Variants in TBC1D5 observed in about 807,000 individuals in gnomAD.
TBC1D5 encodes TBC1 domain family, member 5.
In TBC1D5, 75 loss-of-function variants were observed where a neutral mutation model predicts 100.3. That is an observed-to-expected ratio of 0.75 (90% confidence interval 0.62 to 0.91). TBC1D5 has a LOEUF of 0.91. Ranked by LOEUF, TBC1D5 falls within the 40% of genes least tolerant of loss-of-function variation. The pLI is 0.00. For synonymous variants in TBC1D5, 323 were observed against 325.6 expected, an observed-to-expected ratio of 0.99 and a Z score of 0.09; for missense variants, 910 against 942.4, an observed-to-expected ratio of 0.97 and a Z score of 0.45.
rs2063148676 is a variant in TBC1D5, at chr3:17,627,441, ATAC to A, written c.-100-3531_-100-3529del. ...GAACAAAGAGCAGAGACTGAAAATT[ATAC>A]TACACTAACAAAATCTATAAATACA... On this transcript the variant is annotated intron_variant, in intron 1 of 21. Coordinates refer to ENST00000253692, the Ensembl canonical transcript of TBC1D5. Among the ~76,000 whole-genome samples, 5 of 152,334 alleles carry A rather than the reference ATAC, an allele frequency of 3.3e-5. No homozygotes were observed. In the South Asian group the frequency reaches 1.0e-3, roughly 32 times the overall value.
intron 13 of TBC1D5, among the ~76,000 whole-genome samples, chr3:17,354,979 A>G (rs2091069011): frequency 6.6e-6 from 1 of 152,132 alleles, no homozygotes; most frequent in Admixed American, 6.6e-5. Flanking sequence ...ATGGGATCAC[A>G]TGACCTAAAA....
rs544992986 is a variant in TBC1D5, at chr3:17,319,267, C to T, written c.996-11133G>A. Among the ~76,000 whole-genome samples, 3 of 152,342 alleles carry T rather than the reference C, an allele frequency of 2.0e-5. No individual in the cohort carries two copies. In the East Asian group the frequency reaches 5.8e-4, roughly 29 times the overall value. ...TCCTTTCCACATCAGCTACCAGTTA[C>T]TGTGGCTGAGTTCTAGTGCTGAGAT... On this transcript the variant is annotated intron_variant, in intron 13 of 21. Coordinates refer to ENST00000253692, the Ensembl canonical transcript of TBC1D5.
At chr3:17,717,574 C>G (rs560362827) in intron 1 of TBC1D5, among the ~76,000 whole-genome samples, 1 of 152,198 alleles carries the variant, frequency 6.6e-6, no homozygotes, top group Non-Finnish European at 1.5e-5. Flanking sequence ...TCATCATATA[C>G]TGATAGAACA....
chr3:17,335,579 T>C (rs566760698), intron 13 of TBC1D5, among the ~76,000 whole-genome samples: 2 of 152,286 alleles, frequency 1.3e-5, no homozygotes, highest in East Asian at 3.9e-4. Flanking sequence ...AAAGTATCAT[T>C]AATACCGACT....
At chr3:17,704,688 C>T (rs1577645836) in intron 1 of TBC1D5, among the ~76,000 whole-genome samples, 1 of 62,680 alleles carries the variant, frequency 1.6e-5, no homozygotes, top group African/African-American at 5.3e-5. Flanking sequence ...GGCGGCTGGC[C>T]GGGCGGGGGG....
chr3:17,508,700 A>T, intron 2 of TBC1D5, 95 bp from the exon 3 acceptor site: 1 of 562,880 alleles, frequency 1.8e-6, no homozygotes, highest in East Asian at 3.1e-5. Context: ...TGAGCATTAC[A>T]GACATTAACA....
chr3:17,304,250 T>C (rs1017857896), intron 14 of TBC1D5, among the ~76,000 whole-genome samples: 2 of 152,102 alleles, frequency 1.3e-5, no homozygotes, highest in Non-Finnish European at 2.9e-5. Flanking sequence ...AGGTTTACTA[T>C]GCCCTGGGCC....
intron 2 of TBC1D5, among the ~76,000 whole-genome samples, chr3:17,581,565 C>T (rs1576827767): frequency 2.6e-5 from 4 of 152,176 alleles, no homozygotes; most frequent in Admixed American, 2.6e-4. Flanking sequence ...TCAGGCCAAA[C>T]ACTCTTGGAG....
intron 1 of TBC1D5, among the ~76,000 whole-genome samples, chr3:17,701,655 G>A (rs184858033): frequency 6.6e-6 from 1 of 152,022 alleles, no homozygotes. Flanking sequence ...ATATAAAAGA[G>A]AGGATATGAA....
intron 3 of TBC1D5, among the ~76,000 whole-genome samples, chr3:17,489,640 C>A (rs1166148868): frequency 2.6e-5 from 4 of 152,130 alleles, no homozygotes; most frequent in African/African-American, 9.7e-5. Flanking sequence ...CCGCCATGTC[C>A]AGGGTTCAAG....
intron 19 of TBC1D5, among the ~76,000 whole-genome samples, chr3:17,172,192 A>C (rs1030452575): frequency 1.1e-4 from 17 of 152,324 alleles, no homozygotes; most frequent in Non-Finnish European, 2.5e-4. Context: ...GGTAAATCCA[A>C]ATTAAAACAA....
At chr3:17,273,991 C>T (rs1180887126) in intron 15 of TBC1D5, among the ~76,000 whole-genome samples, 3 of 131,938 alleles carry the variant, frequency 2.3e-5, no homozygotes, top group Admixed American at 1.6e-4. Context: ...TCAAGAAGCT[C>T]AAAGTTTAAC....
At chr3:17,504,490 A>G (rs1359922071) in intron 3 of TBC1D5, among the ~76,000 whole-genome samples, 2 of 152,204 alleles carry the variant, frequency 1.3e-5, no homozygotes, top group African/African-American at 2.4e-5. Flanking sequence ...ATATTGTTGA[A>G]TGCTCTGAAT....
At chr3:17,376,639 A>G (rs765091479) in intron 9 of TBC1D5, 26 bp from the exon 10 acceptor site, 11 of 1,597,868 alleles carry the variant, frequency 6.9e-6, no homozygotes, top group Non-Finnish European at 8.6e-6. Flanking sequence ...CAGAAAAATG[A>G]AAGAGATGGA....
intron 13 of TBC1D5, among the ~76,000 whole-genome samples, chr3:17,349,533 T>C (rs2090306524): frequency 6.6e-6 from 1 of 152,224 alleles, no homozygotes; most frequent in African/African-American, 2.4e-5. Flanking sequence ...TGTAACTTTC[T>C]ACCTAGTACG....
intron 13 of TBC1D5, among the ~76,000 whole-genome samples, chr3:17,345,522 G>A (rs1320465115): frequency 6.6e-6 from 1 of 152,004 alleles, no homozygotes; most frequent in Non-Finnish European, 1.5e-5. Context: ...CGATTCCTCA[G>A]GGATCTAGAA....
intron 1 of TBC1D5, among the ~76,000 whole-genome samples, chr3:17,709,599 T>C (rs973491057): frequency 6.6e-6 from 1 of 152,180 alleles, no homozygotes; most frequent in Non-Finnish European, 1.5e-5. Flanking sequence ...GAACCTTGTC[T>C]AACGGCACAT....
chr3:17,655,127 AT>A (rs1445426552), intron 1 of TBC1D5, among the ~76,000 whole-genome samples: 2 of 151,696 alleles, frequency 1.3e-5, no homozygotes, highest in Non-Finnish European at 1.5e-5. Context: ...GGATTCATTA[AT>A]TTTTTGAAGG....
intron 2 of TBC1D5, among the ~76,000 whole-genome samples, chr3:17,524,239 C>T (rs187694068): frequency 6.6e-6 from 1 of 152,250 alleles, no homozygotes; most frequent in African/African-American, 2.4e-5. Context: ...TGTAATTTTT[C>T]ACCTATCAGA....
Sources: allele counts gnomAD v4.1 joint callset (sites outside exome capture counted in the v4.1 genomes callset), GRCh38; gene constraint gnomAD v4.1.1; transcripts MANE v1.5; gene names NCBI Gene and HGNC (gene_info 2026-07-23, HGNC 2026-07-21).